Variants in ANKRD36B observed in about 807,000 individuals in gnomAD.
ANKRD36B encodes ankyrin repeat domain 36B.
ANKRD36B carries 37 observed loss-of-function variants against 135.7 expected under a neutral mutation model. The ratio of observed to expected loss-of-function variants is 0.27; its 90% CI spans 0.21 to 0.36. ANKRD36B has a LOEUF of 0.36. Among genes scored for constraint, ANKRD36B ranks in the 10% least tolerant of loss-of-function variants. The pLI is 1.00. For missense variants in ANKRD36B, 549 were observed against 1,037.1 expected (o/e 0.53, Z 6.46); for synonymous variants, 179 against 348.1 (o/e 0.51, Z 5.41).
chr2:97,498,210 T>C lies in ANKRD36B; in HGVS notation c.*7-5355A>G, dbSNP rs1292063127. Among the ~76,000 whole-genome samples the C allele has an allele frequency of 1.6e-4, 14 of 86,054 alleles. 3 individuals are homozygous for C. The East Asian group carries it at 1.8e-3, about 11-fold the overall frequency. The allele number at this position is 86,054 out of a possible 152,430, so 56.5% of individuals were successfully genotyped here. A position where few individuals can be genotyped will look rare whatever the true frequency, so the allele number is the denominator to read the frequency against. On this transcript the variant is annotated intron_variant, in intron 43 of 43. Transcript: ENST00000359901. Reference sequence around the variant, plus strand: ...ACTCAATCAAACAACCCAACTTTCATATAATATCAGTTTCTGAAGGAGAAG... The same window carrying C: ...ACTCAATCAAACAACCCAACTTTCACATAATATCAGTTTCTGAAGGAGAAG...
At chr2:97,567,422 C>T (rs2081529426) in intron 6 of ANKRD36B, among the ~76,000 whole-genome samples, 2 of 151,682 alleles carry the variant, frequency 1.3e-5, no homozygotes, top group African/African-American at 2.4e-5. Flanking sequence ...CCTCTAATCA[C>T]ACCCTGATCA....
Position 97,514,047 on chromosome 2 carries a change from G to T in ANKRD36B, c.2622-684C>A, listed in dbSNP as rs1450896198. Among the ~76,000 whole-genome samples the T allele has an allele frequency of 1.5e-5, 2 of 134,714 alleles. 1 individual carries two copies. The highest frequency in any genetic ancestry group is 4.3e-4 in the South Asian group (2 of 4,684). 88.4% of individuals were successfully genotyped at this position (134,714 alleles called of 152,430 possible). A position where few individuals can be genotyped will look rare whatever the true frequency, so the allele number is the denominator to read the frequency against. On this transcript the variant is annotated intron_variant, in intron 37 of 43. Transcript: ENST00000359901. ...TGCACCCCGACCACTTCGGGCACAT[G>T]TTCTCAGGACCTCCTGAGGGCTGTG... is the stretch of plus-strand genomic sequence containing the variant.
chr2:97,553,960 T>G (rs1214181926), intron 14 of ANKRD36B, among the ~76,000 whole-genome samples: 6 of 151,936 alleles, frequency 3.9e-5, no homozygotes, highest in Non-Finnish European at 5.9e-5. Flanking sequence ...CTCATATCCA[T>G]GTGGTGCAAC....
intron 20 of ANKRD36B, among the ~76,000 whole-genome samples, chr2:97,548,763 C>G (rs571784647): frequency 8.8e-4 from 133 of 151,982 alleles, no homozygotes; most frequent in Non-Finnish European, 1.3e-3. Flanking sequence ...GGAGTAATGA[C>G]TCAGTGTGTT....
intron 1 of ANKRD36B, among the ~76,000 whole-genome samples, chr2:97,589,176 A>C (rs1573125971): frequency 3.3e-5 from 3 of 89,910 alleles, no homozygotes; most frequent in Admixed American, 1.2e-4. Context: ...CCTCACCCCC[A>C]CCTCCAGTCC....
chr2:97,569,629 G>C (rs1216160259), intron 6 of ANKRD36B, among the ~76,000 whole-genome samples: 1 of 151,494 alleles, frequency 6.6e-6, no homozygotes, highest in Non-Finnish European at 1.5e-5. Flanking sequence ...TGTTGAAAAT[G>C]GGGGGAGCTA....
In ANKRD36B at chr2:97,537,178, C is replaced by T. The variant is rs1196131849; in HGVS notation, c.2090-682G>A. On this transcript the variant is annotated intron_variant, in intron 32 of 43. Coordinates refer to ENST00000359901, the MANE Select transcript of ANKRD36B (RefSeq NM_001393939.1). The stretch of plus-strand genomic sequence containing the variant: ...AGAAGGTCTAATATATAAACCCCAT[C>T]GAAAAGTATAATAAATTATACATAT... 1.4e-4 allele frequency among the ~76,000 whole-genome samples: 13 copies of T among 95,796 alleles called. 2 individuals are homozygous for T. The highest frequency in any genetic ancestry group is 3.4e-4 in the African/African-American group (11 of 32,012). The allele number at this position is 95,796 out of a possible 152,430, so 62.8% of individuals were successfully genotyped here.
chr2:97,562,924 T>C (rs373935535), intron 6 of ANKRD36B, among the ~76,000 whole-genome samples: 1 of 152,016 alleles, frequency 6.6e-6, no homozygotes, highest in Non-Finnish European at 1.5e-5. Context: ...TATCATCTCT[T>C]ATTTTGTCGC....
intron 6 of ANKRD36B, among the ~76,000 whole-genome samples, chr2:97,563,903 C>G (rs1256922607): frequency 6.6e-6 from 1 of 152,054 alleles, no homozygotes; most frequent in Non-Finnish European, 1.5e-5. Context: ...ATGAAGAGAG[C>G]ATAATTAAAT....
chr2:97,550,639 T>C (rs2104645610), intron 18 of ANKRD36B, among the ~76,000 whole-genome samples: 1 of 151,660 alleles, frequency 6.6e-6, no homozygotes, highest in Admixed American at 6.6e-5. Context: ...CAAAGAGGAG[T>C]AATGAGTCAT....
At chr2:97,560,785 T>A in intron 7 of ANKRD36B, 47 bp downstream of exon 7, 3 of 1,591,140 alleles carry the variant, frequency 1.9e-6, no homozygotes, top group African/African-American at 2.7e-5. Flanking sequence ...GTAGGTTTCA[T>A]AGACTATACA....
At chr2:97,583,872 A>AT (rs1281408949) in intron 3 of ANKRD36B, among the ~76,000 whole-genome samples, 10 of 148,800 alleles carry the variant, frequency 6.7e-5, no homozygotes, top group African/African-American at 2.4e-4. Context: ...AGCACAGTTG[A>AT]TAATCACTTC....
intron 16 of ANKRD36B, among the ~76,000 whole-genome samples, chr2:97,551,792 G>A (rs2080093287): frequency 6.6e-6 from 1 of 151,896 alleles, no homozygotes; most frequent in African/African-American, 2.4e-5. Context: ...TAAAATCAGA[G>A]GAGAAACTCA....
chr2:97,496,306 G>C (rs895534649), intron 43 of ANKRD36B, among the ~76,000 whole-genome samples: 4 of 102,010 alleles, frequency 3.9e-5, no homozygotes, highest in African/African-American at 1.1e-4. Flanking sequence ...AAAGCTAGCA[G>C]AGGTTGGTTC....
At chr2:97,549,231 G>C (rs983338403) in intron 20 of ANKRD36B, among the ~76,000 whole-genome samples, 188 bp downstream of exon 20, 1 of 137,332 alleles carries the variant, frequency 7.3e-6, no homozygotes, top group South Asian at 2.1e-4. Flanking sequence ...TACAGCGAAG[G>C]TCATGTTCCA....
chr2:97,512,312 T>TA (rs1254895219), intron 38 of ANKRD36B, among the ~76,000 whole-genome samples: 1 of 88,400 alleles, frequency 1.1e-5, no homozygotes, highest in African/African-American at 3.5e-5. Context: ...AATTTCAGGA[T>TA]AAAAAAAGGC....
chr2:97,528,079 C>T lies in ANKRD36B; in HGVS notation c.2265+4232G>A, dbSNP rs551292595. Among the ~76,000 whole-genome samples the T allele has an allele frequency of 5.2e-5, 5 of 95,628 alleles. 2 individuals carry two copies. The highest frequency in any genetic ancestry group is 1.1e-4 in the Non-Finnish European group (4 of 36,062). The allele number at this position is 95,628 out of a possible 152,430, so 62.7% of individuals were successfully genotyped here. ...TAATAGACATCTACAGAACTCTCCA[C>T]CCCAAATCAACAGAATATACATTTT... On this transcript the variant is annotated intron_variant, in intron 35 of 43. Coordinates refer to ENST00000359901, the MANE Select transcript of ANKRD36B (RefSeq NM_001393939.1).
At chr2:97,574,462 A>C (rs2104917261) in intron 6 of ANKRD36B, among the ~76,000 whole-genome samples, 1 of 152,330 alleles carries the variant, frequency 6.6e-6, no homozygotes, top group East Asian at 1.9e-4. Context: ...TAGTTCAACC[A>C]TTGTGGAAGT....
intron 14 of ANKRD36B, among the ~76,000 whole-genome samples, chr2:97,554,734 A>T (rs1043019109): frequency 1.3e-5 from 2 of 151,832 alleles, no homozygotes; most frequent in African/African-American, 4.8e-5. Flanking sequence ...CTATACTTCA[A>T]CTCATTCTCC....
Sources: allele counts gnomAD v4.1 joint callset (sites outside exome capture counted in the v4.1 genomes callset), GRCh38; gene constraint gnomAD v4.1.1; transcripts MANE v1.5; gene names NCBI Gene and HGNC (gene_info 2026-07-23, HGNC 2026-07-21).